The following NCALD variants were observed in gnomAD, a reference collection of about 807,000 sequenced individuals.
The protein encoded by NCALD is neurocalcin-delta.
Under a neutral mutation model 18.6 loss-of-function variants are expected in NCALD, and 10 were observed. The observed-to-expected ratio is 0.54, with a 90% CI of 0.33 to 0.91. NCALD has a LOEUF of 0.91. Ranked by LOEUF, NCALD falls within the 40% of genes least tolerant of loss-of-function variation. The pLI, the probability that NCALD is intolerant of heterozygous loss-of-function variation, is 0.03. For synonymous variants in NCALD, 88 were observed against 87.4 expected, an observed-to-expected ratio of 1.01 and a Z score of -0.04; for missense variants, 184 against 247.6, an observed-to-expected ratio of 0.74 and a Z score of 1.72.
chr8:101,801,663 T>TTTG (rs1812865211), intron 4 of NCALD, among the ~76,000 whole-genome samples: 29 of 94,680 alleles, frequency 3.1e-4, no homozygotes, highest in African/African-American at 1.6e-3. Context: ...TTTTTTTTTT[T>TTTG]TTTTTTTTTT....
intron 1 of NCALD, among the ~76,000 whole-genome samples, chr8:102,058,878 A>C (rs1240668925): frequency 6.6e-6 from 1 of 152,154 alleles, no homozygotes; most frequent in Non-Finnish European, 1.5e-5. Context: ...AACCAAACAA[A>C]AGTCAGTGTG....
intron 4 of NCALD, among the ~76,000 whole-genome samples, chr8:101,833,740 AG>A: frequency 6.6e-6 from 1 of 152,076 alleles, no homozygotes; most frequent in African/African-American, 2.4e-5. Flanking sequence ...CTGAAAAAAA[AG>A]AAAAAGAGAA....
chr8:101,996,076 C>T (rs192825178), intron 2 of NCALD, among the ~76,000 whole-genome samples: 5 of 152,334 alleles, frequency 3.3e-5, no homozygotes, highest in Admixed American at 1.3e-4. Flanking sequence ...GGCTTTCACA[C>T]ATTTTGGCAT....
chr8:101,824,819 A>G (rs1247440454), intron 4 of NCALD, among the ~76,000 whole-genome samples: 4 of 152,182 alleles, frequency 2.6e-5, no homozygotes, highest in Non-Finnish European at 5.9e-5. Flanking sequence ...TGCTTTTCTG[A>G]GTGTCCCACA....
chr8:101,789,815 C>A (rs1812381031), intron 1 of NCALD, among the ~76,000 whole-genome samples: 1 of 151,964 alleles, frequency 6.6e-6, no homozygotes, highest in African/African-American at 2.4e-5. Context: ...ATTAGAAGCT[C>A]CAAAACAATT....
intron 1 of NCALD, among the ~76,000 whole-genome samples, chr8:102,092,413 A>T (rs1824954161): frequency 6.6e-6 from 1 of 152,202 alleles, no homozygotes; most frequent in Non-Finnish European, 1.5e-5. Flanking sequence ...TCCGTGGATT[A>T]GCCCTGAACT....
chr8:101,702,509 T>C (rs1223162837), intron 2 of NCALD, among the ~76,000 whole-genome samples: 2 of 152,128 alleles, frequency 1.3e-5, no homozygotes, highest in African/African-American at 4.8e-5. Flanking sequence ...AAATTACAGG[T>C]GTGAGCCACC....
intron 1 of NCALD, among the ~76,000 whole-genome samples, chr8:102,088,791 G>C (rs1824826457): frequency 6.6e-6 from 1 of 152,184 alleles, no homozygotes. Flanking sequence ...ATTAAAAATA[G>C]ATAGATCTCT....
chr8:101,851,566 G>A (rs1815093016), intron 4 of NCALD, among the ~76,000 whole-genome samples: 1 of 152,018 alleles, frequency 6.6e-6, no homozygotes, highest in African/African-American at 2.4e-5. Context: ...CAATGTTAAG[G>A]TTATGAATAA....
chr8:101,776,977 T>C (rs1485211909), intron 1 of NCALD, among the ~76,000 whole-genome samples: 1 of 152,106 alleles, frequency 6.6e-6, no homozygotes, highest in African/African-American at 2.4e-5. Flanking sequence ...GAGATTTTCT[T>C]TGGATGAATT....
At chr8:101,763,237 A>G (rs1031749490) in intron 1 of NCALD, among the ~76,000 whole-genome samples, 9 of 152,212 alleles carry the variant, frequency 5.9e-5, no homozygotes, top group African/African-American at 2.2e-4. Flanking sequence ...CAATTCAAAT[A>G]TGGTGTTCTG....
At chr8:101,976,986 G>T (rs550561704) in intron 2 of NCALD, among the ~76,000 whole-genome samples, 36 of 152,110 alleles carry the variant, frequency 2.4e-4, no homozygotes, top group African/African-American at 8.0e-4. Flanking sequence ...CCCTGACCAT[G>T]CCTAGGAAAT....
At chr8:101,880,478 G>C (rs920610245) in intron 4 of NCALD, among the ~76,000 whole-genome samples, 3 of 152,232 alleles carry the variant, frequency 2.0e-5, no homozygotes, top group African/African-American at 7.2e-5. Flanking sequence ...GGACTGAAGG[G>C]CTCCTGGAGC....
intron 3 of NCALD, among the ~76,000 whole-genome samples, chr8:101,897,565 G>A (rs1237810653): frequency 2.0e-5 from 3 of 152,030 alleles, no homozygotes; most frequent in Non-Finnish European, 2.9e-5. Context: ...ACCTATTGTA[G>A]GACATTTTGT....
Position 101,821,636 on chromosome 8 carries a change from C to T in NCALD, c.-20+65505G>A, listed in dbSNP as rs1813720285. ...TTAGGATTCAGAGATGAACATGACA[C>T]TATGGAAGTCATCAAAGTGCTTCCA... On this transcript the variant is annotated intron_variant, in intron 4 of 6. Coordinates refer to the NCALD transcript ENST00000311028. 2.0e-5 allele frequency among the ~76,000 whole-genome samples: 3 copies of T among 152,102 alleles called. No homozygotes were observed. In the South Asian group the frequency reaches 6.2e-4, roughly 32 times the overall value.
At chr8:102,115,897 G>A (rs1825767520) in intron 1 of NCALD, among the ~76,000 whole-genome samples, 2 of 152,132 alleles carry the variant, frequency 1.3e-5, no homozygotes, top group Admixed American at 6.5e-5. Flanking sequence ...GCAAAGCAAA[G>A]CCCAGAAAAC....
intron 1 of NCALD, among the ~76,000 whole-genome samples, chr8:101,770,001 G>A (rs1177376354): frequency 2.6e-5 from 4 of 152,146 alleles, no homozygotes; most frequent in Admixed American, 1.3e-4. Context: ...ACAGATTGAT[G>A]AAGCTTTTGT....
chr8:101,938,838 C>T (rs1818854400), intron 2 of NCALD, among the ~76,000 whole-genome samples: 1 of 152,234 alleles, frequency 6.6e-6, no homozygotes, highest in Non-Finnish European at 1.5e-5. Flanking sequence ...AAGTGATCAC[C>T]AGCATCTGTC....
rs1814594359 is a variant in NCALD, at chr8:101,689,191, C to T, written c.*118G>A. ...GCGTCACGGAGGAAGGCGCATCAGA[C>T]CGCACAGGGGACGGCATCACCATTG... On this transcript the variant is annotated 3_prime_UTR_variant, in exon 4 of 4. Coordinates refer to ENST00000220931, the MANE Select transcript of NCALD (RefSeq NM_032041.3). This position sits in a 1 kb window ranked among gnomAD's most constrained non-coding sequence, Gnocchi z 4.4. 1 of 930,510 alleles carries T rather than the reference C, an allele frequency of 1.1e-6. No individual in the cohort carries two copies. The highest frequency in any genetic ancestry group is 1.6e-5 in the African/African-American group (1 of 60,932). 57.6% of individuals were successfully genotyped at this position (930,510 alleles called of 1,614,324 possible).
Sources: allele counts gnomAD v4.1 joint callset (sites outside exome capture counted in the v4.1 genomes callset), GRCh38; gene constraint gnomAD v4.1.1; non-coding constraint Gnocchi (gnomAD v3.1); transcripts MANE v1.5; gene names NCBI Gene and HGNC (gene_info 2026-07-23, HGNC 2026-07-21).